Variants in SUGCT observed in about 807,000 individuals in gnomAD.
SUGCT encodes the protein succinyl-CoA:glutarate-CoA transferase, also known as succinyl-CoA:glutarate CoA-transferase.
In SUGCT, 41 loss-of-function variants were observed where a neutral mutation model predicts 55.0. That is an observed-to-expected ratio of 0.74 (90% CI 0.58 to 0.97). The LOEUF is 0.97. Ranked by LOEUF, SUGCT falls within the 50% of genes least tolerant of loss-of-function variation. SUGCT has a pLI of 0.00. For synonymous variants in SUGCT, 187 were observed against 200.4 expected (o/e 0.93, Z 0.56); for missense variants, 568 against 547.8 (o/e 1.04, Z -0.37).
At chr7:40,672,023 G>C (rs1035115420) in intron 12 of SUGCT, among the ~76,000 whole-genome samples, 1 of 152,120 alleles carries the variant, frequency 6.6e-6, no homozygotes, top group South Asian at 2.1e-4. Flanking sequence ...CCCAGAAATA[G>C]ATCCCCACAA....
chr7:40,346,050 A>G (rs1365984838), intron 9 of SUGCT, among the ~76,000 whole-genome samples: 4 of 151,808 alleles, frequency 2.6e-5, no homozygotes, highest in African/African-American at 9.7e-5. Context: ...TTTTCATGTT[A>G]GTTTAGTTTT....
rs575739851 is a variant in SUGCT, at chr7:40,141,309, A to G, written c.100+6189A>G. Among the ~76,000 whole-genome samples the G allele has an allele frequency of 2.2e-4, 33 of 151,774 alleles. No homozygotes were observed. The South Asian group carries it at 6.9e-3, about 32-fold the overall frequency. On this transcript the variant is annotated intron_variant, in intron 1 of 13. Coordinates refer to ENST00000335693, the MANE Select transcript of SUGCT (RefSeq NM_001193313.2). ...AGGCATGAGCCACTGTGCCCATCTG[A>G]TTTATAAATTTTTGACAGATTATGC...
chr7:40,781,757 G>A (rs564134622), intron 13 of SUGCT, among the ~76,000 whole-genome samples: 1 of 152,220 alleles, frequency 6.6e-6, no homozygotes, highest in South Asian at 2.1e-4. Flanking sequence ...CACTGAATTA[G>A]CAGACTCTAC....
At chr7:40,662,726 G>A (rs76115333) in intron 12 of SUGCT, among the ~76,000 whole-genome samples, 4,375 of 152,216 alleles carry the variant, frequency 0.029, 209 homozygotes, top group African/African-American at 0.1. Flanking sequence ...CTTCCACTTT[G>A]CATCATAGCG....
chr7:40,357,822 A>C (rs1165572762), intron 9 of SUGCT, among the ~76,000 whole-genome samples: 3 of 151,304 alleles, frequency 2.0e-5, no homozygotes, highest in African/African-American at 7.3e-5. Context: ...GATTTTTTTA[A>C]CCATTTAAAC....
intron 9 of SUGCT, among the ~76,000 whole-genome samples, chr7:40,420,577 G>A (rs560235136): frequency 1.3e-5 from 2 of 152,132 alleles, no homozygotes; most frequent in Non-Finnish European, 2.9e-5. Context: ...GACCTCAGGT[G>A]ATCCACCTGC....
At chr7:40,229,935 G>A (rs1401597691) in intron 6 of SUGCT, among the ~76,000 whole-genome samples, 2 of 151,866 alleles carry the variant, frequency 1.3e-5, no homozygotes, top group African/African-American at 4.8e-5. Context: ...ACATTTTGAA[G>A]AATTACATTA....
chr7:40,783,810 G>C (rs1789879546), intron 13 of SUGCT, among the ~76,000 whole-genome samples: 2 of 152,104 alleles, frequency 1.3e-5, no homozygotes, highest in South Asian at 2.1e-4. Flanking sequence ...CTAAACTTTA[G>C]ACATTTCTCA....
intron 13 of SUGCT, among the ~76,000 whole-genome samples, chr7:40,841,375 G>C (rs1449335681): frequency 6.6e-6 from 1 of 151,960 alleles, no homozygotes; most frequent in East Asian, 1.9e-4. Flanking sequence ...CATTAATTTT[G>C]AATATATGAT....
the SUGCT span, among the ~76,000 whole-genome samples, chr7:41,030,966 ATTTG>A: frequency 1.3e-5 from 2 of 152,060 alleles, no homozygotes; most frequent in African/African-American, 4.8e-5. Context: ...AGGATTGATT[ATTTG>A]TTTATTTTGA....
chr7:40,654,913 A>G (rs1800945532), intron 12 of SUGCT, among the ~76,000 whole-genome samples: 1 of 152,236 alleles, frequency 6.6e-6, no homozygotes, highest in African/African-American at 2.4e-5. Context: ...GAGGGAATTG[A>G]ATTAAATTAT....
intron 11 of SUGCT, among the ~76,000 whole-genome samples, chr7:40,488,548 T>C (rs10273835): frequency 0.04 from 6,018 of 152,276 alleles, 374 homozygotes; most frequent in African/African-American, 0.14. Flanking sequence ...TGAATTTGAT[T>C]GTGTACTTAC....
chr7:40,674,460 A>G (rs1584253003), intron 12 of SUGCT, among the ~76,000 whole-genome samples: 1 of 152,348 alleles, frequency 6.6e-6, no homozygotes, highest in Non-Finnish European at 1.5e-5. Flanking sequence ...TCATGAAGAC[A>G]TTTAAAAAGG....
chr7:40,664,673 T>C (rs560140184), intron 12 of SUGCT, among the ~76,000 whole-genome samples: 3 of 152,234 alleles, frequency 2.0e-5, no homozygotes, highest in Non-Finnish European at 4.4e-5. Flanking sequence ...TATAATCTTT[T>C]AAATTTAATT....
At chr7:40,333,636 C>CAAAAA (rs1212001738) in intron 9 of SUGCT, among the ~76,000 whole-genome samples, 5 of 49,944 alleles carry the variant, frequency 1.0e-4, no homozygotes, top group Non-Finnish European at 1.3e-4. Flanking sequence ...GACTCTGTCT[C>CAAAAA]AAAAAAAAAA....
intron 9 of SUGCT, among the ~76,000 whole-genome samples, chr7:40,367,472 G>A (rs1047590045): frequency 3.3e-5 from 5 of 151,260 alleles, no homozygotes; most frequent in African/African-American, 1.2e-4. Context: ...AAAATAAAAT[G>A]GCTGGCACTG....
intron 12 of SUGCT, among the ~76,000 whole-genome samples, chr7:40,692,200 T>A (rs1381665797): frequency 6.6e-6 from 1 of 152,184 alleles, no homozygotes; most frequent in African/African-American, 2.4e-5. Context: ...AGTGGTATAG[T>A]AGTGGTACTT....
At chr7:40,704,646 A>G (rs894495080) in intron 12 of SUGCT, among the ~76,000 whole-genome samples, 1 of 152,150 alleles carries the variant, frequency 6.6e-6, no homozygotes, top group Non-Finnish European at 1.5e-5. Flanking sequence ...CAGCTTCCAC[A>G]TACCTGAGAG....
chr7:40,822,362 G>T (rs1792065396), intron 13 of SUGCT, among the ~76,000 whole-genome samples: 1 of 152,022 alleles, frequency 6.6e-6, no homozygotes, highest in Non-Finnish European at 1.5e-5. Flanking sequence ...TTGACAGTGG[G>T]GTGTTAAAGT....
Sources: gnomAD v4.1 joint callset for allele counts (sites outside exome capture counted in the v4.1 genomes callset) on GRCh38, gnomAD v4.1.1 for gene constraint, MANE v1.5 for transcripts, NCBI Gene and HGNC (gene_info 2026-07-23, HGNC 2026-07-21) for gene names.